CTNND1: variants seen among roughly 807,000 people sequenced by gnomAD.
The protein encoded by CTNND1 is catenin delta 1.
CTNND1 carries 16 observed loss-of-function variants against 112.1 expected under a neutral mutation model. The ratio of observed to expected loss-of-function variants is 0.14; its 90% CI spans 0.10 to 0.22. The LOEUF is 0.22. Among genes scored for constraint, CTNND1 ranks in the 10% least tolerant of loss-of-function variants. The pLI, the probability that CTNND1 is intolerant of heterozygous loss-of-function variation, is 1.00. For synonymous variants in CTNND1, 420 were observed against 446.5 expected, an observed-to-expected ratio of 0.94 and a Z score of 0.75; for missense variants, 1,008 against 1,257.0, an observed-to-expected ratio of 0.80 and a Z score of 3.00.
chr11:57,763,427 T>A (rs1950297995), intron 1 of CTNND1, among the ~76,000 whole-genome samples: 1 of 152,236 alleles, frequency 6.6e-6, no homozygotes, highest in African/African-American at 2.4e-5. Flanking sequence ...CAAATTTTTT[T>A]AAGACTAGAC....
At position 57,795,640 on chromosome 11, in the gene CTNND1, A is replaced by G. The variant is rs375424851; in HGVS notation, c.331A>G (p.Thr111Ala). ...RMQEPGQIVE[T>A]YTEEDPEGAM... is the part of the protein sequence containing the mutation. ...GCAGGAGCCGGGGCAGATTGTGGAG[A>G]CCTACACGGAGGAGGATCCTGAGGG... is the stretch of plus-strand genomic sequence containing the variant. Residue 111 changes from threonine to alanine, a missense_variant, in exon 5 of 21, where the codon ACC (threonine) becomes GCC (alanine). By Grantham distance (58) the Thr-to-Ala change is moderately conservative. Coordinates refer to ENST00000399050, the MANE Select transcript of CTNND1 (RefSeq NM_001085458.2). The G allele has an allele frequency of 1.6e-4, 264 of 1,610,138 alleles. No homozygotes were observed. The highest frequency in any genetic ancestry group is 2.2e-4 in the Non-Finnish European group (255 of 1,178,372).
At position 57,777,803 on chromosome 11, in the gene CTNND1, G is replaced by A. The variant is rs12284892; in HGVS notation, c.-213-11234G>A. 4.7e-3 allele frequency among the ~76,000 whole-genome samples: 711 copies of A among 152,260 alleles called. 11 individuals carry two copies. The highest frequency in any genetic ancestry group is 0.016 in the African/African-American group (678 of 41,548). ...AGCATCTTGCTCATTTTATGCAAAG[G>A]GAATTGAGCCCTTTGGGCAAAGGGT... On this transcript the variant is annotated intron_variant, in intron 1 of 20. Transcript: ENST00000399050.
At chr11:57,806,503 T>A (rs1444949241) in intron 11 of CTNND1, 25 bp downstream of exon 11, 1 of 1,583,852 alleles carries the variant, frequency 6.3e-7, no homozygotes, top group African/African-American at 1.3e-5. Context: ...TTAAGGTGCT[T>A]ATCTACTTCT....
Position 57,804,048 on chromosome 11 carries a change from G to A in CTNND1, c.1604+244G>A, listed in dbSNP as rs1349041087. The A allele has an allele frequency of 9.0e-6, 3 of 332,878 alleles. No homozygotes were observed. The East Asian group carries it at 1.6e-4, about 18-fold the overall frequency. 20.6% of individuals were successfully genotyped at this position (332,878 alleles called of 1,614,324 possible). ...TTCACTTTTATGCCTCTTTGACTTT[G>A]TTCATCTACTTTGGTAAGCTTTTGT... On this transcript the variant is annotated intron_variant, in intron 8 of 20. Coordinates refer to ENST00000399050, the MANE Select transcript of CTNND1 (RefSeq NM_001085458.2).
chr11:57,790,890 T>G (rs1028463337), intron 2 of CTNND1, among the ~76,000 whole-genome samples: 1 of 151,974 alleles, frequency 6.6e-6, no homozygotes, highest in South Asian at 2.1e-4. Context: ...TAGTTTAGCA[T>G]AGTAATTTTT....
chr11:57,813,750 A>C (rs1462916847), intron 17 of CTNND1, among the ~76,000 whole-genome samples: 1 of 152,234 alleles, frequency 6.6e-6, no homozygotes, highest in Admixed American at 6.5e-5. Context: ...AAAAGATTGA[A>C]TGCAGAAGCA....
At chr11:57,777,654 A>G (rs2136221617) in intron 1 of CTNND1, among the ~76,000 whole-genome samples, 1 of 152,298 alleles carries the variant, frequency 6.6e-6, no homozygotes, top group East Asian at 1.9e-4. Context: ...GGCCCATACT[A>G]CTTCTAGCAG....
chr11:57,775,332 GA>G (rs374576333), intron 1 of CTNND1, among the ~76,000 whole-genome samples: 36 of 113,604 alleles, frequency 3.2e-4, no homozygotes, highest in Middle Eastern at 5.1e-3. Context: ...ACCCCGTCTC[GA>G]AAAAAAAAAA....
chr11:57,801,017 T>C (rs1238512932), intron 6 of CTNND1, among the ~76,000 whole-genome samples: 1 of 152,206 alleles, frequency 6.6e-6, no homozygotes, highest in African/African-American at 2.4e-5. Context: ...GTATTGTCTT[T>C]AGAAATTGGA....
intron 1 of CTNND1, among the ~76,000 whole-genome samples, chr11:57,776,611 A>G (rs1022337342): frequency 2.0e-5 from 3 of 152,126 alleles, no homozygotes; most frequent in Non-Finnish European, 4.4e-5. Flanking sequence ...GGCTTTCTTC[A>G]TATCCATTCA....
intron 1 of CTNND1, among the ~76,000 whole-genome samples, chr11:57,773,756 G>A (rs1953413034): frequency 6.6e-6 from 1 of 151,396 alleles, no homozygotes; most frequent in African/African-American, 2.4e-5. Flanking sequence ...GGCCAACATA[G>A]CAAAACCTCA....
At position 57,791,491 on chromosome 11, in the gene CTNND1, G is replaced by A. The variant is rs2060739947; in HGVS notation, c.13G>A (p.Glu5Lys). The A allele has an allele frequency of 6.4e-7, 1 of 1,550,844 alleles. No individual in the cohort carries two copies. The highest frequency in any genetic ancestry group is 1.2e-5 in the South Asian group (1 of 84,050). Residue 5 changes from glutamate to lysine, a missense_variant, in exon 3 of 21, where the codon GAG becomes AAG. By Grantham distance (56) the Glu-to-Lys change is moderately conservative. Coordinates refer to ENST00000399050, the MANE Select transcript of CTNND1 (RefSeq NM_001085458.2). ...GCCCCTTACCTTCATGGACGACTCA[G>A]AGGTGGAGTCGACCGCCAGCATCTT... Reference protein sequence around the residue: MDDSEVESTASILAS... With the variant: MDDSKVESTASILAS...
chr11:57,797,198 T>C (rs1009282962), intron 6 of CTNND1, among the ~76,000 whole-genome samples: 2 of 148,076 alleles, frequency 1.4e-5, no homozygotes, highest in South Asian at 4.2e-4. Context: ...AATATAAATA[T>C]ATATATAATT....
At chr11:57,812,491 G>GCCAGGGCGA (rs1441930223) in intron 17 of CTNND1, among the ~76,000 whole-genome samples, 1 of 151,990 alleles carries the variant, frequency 6.6e-6, no homozygotes, top group East Asian at 1.9e-4. Flanking sequence ...CTGCATTCCA[G>GCCAGGGCGA]CCAGGGCGAC....
In CTNND1 at chr11:57,795,624, G is replaced by A. The variant is rs755749778; in HGVS notation, c.315G>A (p.Pro105=). 1.5e-5 allele frequency: 24 copies of A among 1,608,722 alleles called. No individual in the cohort carries two copies. In the African/African-American group the frequency reaches 2.2e-4, roughly 14 times the overall value. The change falls in exon 5 of 21, where the codon CCG becomes CCA. Residue 105 remains proline (P), a synonymous_variant. Coordinates refer to ENST00000399050, the MANE Select transcript of CTNND1 (RefSeq NM_001085458.2). ...LYSTIPRMQE[P]GQIVETYTEE... is the part of the protein sequence containing the mutation. ...GCACCATCCCCAGGATGCAGGAGCC[G>A]GGGCAGATTGTGGAGACCTACACGG... is the stretch of plus-strand genomic sequence containing the variant.
rs1465900749 is a variant in CTNND1 at position 57,804,707 on chromosome 11, A to G, written c.1649A>G (p.Glu550Gly). 1 of 1,613,860 alleles carries G rather than the reference A, an allele frequency of 6.2e-7. No homozygotes were observed. The highest frequency in any genetic ancestry group is 1.7e-5 in the Admixed American group (1 of 60,006). The change falls in exon 9 of 21, where the codon GAA (glutamate) becomes GGA (glycine). Residue 550 changes from glutamate to glycine, a missense_variant. Glu to Gly is a moderately conservative substitution (Grantham distance 98, BLOSUM62 -2). Around this residue, in one of 5 missense-constraint regions of CTNND1, gnomAD observed 216 missense variants for 342.8 expected, o/e 0.63. Coordinates refer to ENST00000399050, the MANE Select transcript of CTNND1 (RefSeq NM_001085458.2). ...ERSEARRKLRECDGLVDALIF... is the reference protein window; with the variant it reads ...ERSEARRKLRGCDGLVDALIF... Reference sequence around the variant, plus strand: ...AGTGAAGCTCGCCGGAAACTTCGGGAATGTGATGGTTTAGTTGATGCCCTC... The same window carrying G: ...AGTGAAGCTCGCCGGAAACTTCGGGGATGTGATGGTTTAGTTGATGCCCTC...
In CTNND1 at chr11:57,808,441, A is replaced by G. The variant is rs897914141; in HGVS notation, c.2143A>G (p.Ile715Val). Residue 715 changes from isoleucine to valine, a missense_variant, in exon 14 of 21, where the codon ATA (isoleucine) becomes GTA (valine). Coordinates refer to ENST00000399050, the MANE Select transcript of CTNND1 (RefSeq NM_001085458.2). ...GCGTCAAGAGAAGGCTCTTTCTGCC[A>G]TAGCTGACCTCCTGACTAATGAACA... ...ALRQEKALSA[I>V]ADLLTNEHER... The G allele has an allele frequency of 2.5e-6, 4 of 1,612,760 alleles. No homozygotes were observed. The highest frequency in any genetic ancestry group is 2.5e-6 in the Non-Finnish European group (3 of 1,179,278).
At chr11:57,769,377 T>C (rs909944275) in intron 1 of CTNND1, among the ~76,000 whole-genome samples, 2 of 151,796 alleles carry the variant, frequency 1.3e-5, no homozygotes. Context: ...CTCCAACTCC[T>C]GGGCTCAAGT....
intron 9 of CTNND1, 89 bp downstream of exon 9, chr11:57,804,869 C>T (rs534374280): frequency 1.1e-6 from 1 of 909,258 alleles, no homozygotes; most frequent in East Asian, 2.6e-5. Context: ...TCATCTCAGG[C>T]TTTCAAGTAA....
Sources: gnomAD v4.1 joint callset for allele counts (sites outside exome capture counted in the v4.1 genomes callset) on GRCh38, gnomAD v4.1.1 for gene constraint, gnomAD v4.1.1 regional missense constraint, MANE v1.5 for transcripts, NCBI Gene and HGNC (gene_info 2026-07-23, HGNC 2026-07-21) for gene names.